VPS39: variants seen among roughly 807,000 people sequenced by gnomAD.
The protein encoded by VPS39 is vam6/Vps39-like protein.
A neutral mutation model predicts 121.0 loss-of-function variants in VPS39; 70 were observed. The ratio of observed to expected loss-of-function variants is 0.58; its 90% CI spans 0.48 to 0.71. The LOEUF is 0.71. Among genes scored for constraint, VPS39 ranks in the 30% least tolerant of loss-of-function variants. VPS39 has a pLI of 0.00. For synonymous variants in VPS39, 378 were observed against 398.1 expected (o/e 0.95, Z 0.60); for missense variants, 818 against 1,051.5 (o/e 0.78, Z 3.07).
chr15:42,205,675 G>A (rs1393947982), intron 1 of VPS39, among the ~76,000 whole-genome samples: 2 of 152,158 alleles, frequency 1.3e-5, no homozygotes, highest in African/African-American at 2.4e-5. Flanking sequence ...TTGAGTAGAG[G>A]ATGGAATCAG....
chr15:42,180,810 C>T (rs1175876687), intron 8 of VPS39, among the ~76,000 whole-genome samples: 2 of 152,098 alleles, frequency 1.3e-5, no homozygotes, highest in East Asian at 3.8e-4. Flanking sequence ...TAAAGAACTA[C>T]AGTGAGATAT....
rs557043500 is a variant in VPS39, at chr15:42,197,773, C to T, written c.139+2123G>A. ...CCTAGTCTTTTCTTGACCCTATTAT[C>T]CCCTCCCTTTCCTCAGAAAGACAGT... On this transcript the variant is annotated intron_variant, in intron 2 of 24. Coordinates refer to ENST00000318006, the MANE Select transcript of VPS39 (RefSeq NM_015289.5). Among the ~76,000 whole-genome samples the T allele has an allele frequency of 2.6e-5, 4 of 152,144 alleles. No homozygotes were observed. In the East Asian group the frequency reaches 7.7e-4, roughly 29 times the overall value.
At chr15:42,204,379 G>C (rs2050126212) in intron 1 of VPS39, among the ~76,000 whole-genome samples, 1 of 152,222 alleles carries the variant, frequency 6.6e-6, no homozygotes, top group African/African-American at 2.4e-5. Context: ...GCTGGGCAAA[G>C]TGGCTCACGC....
At chr15:42,179,673 C>T (rs1242786603) in intron 8 of VPS39, among the ~76,000 whole-genome samples, 3 of 149,860 alleles carry the variant, frequency 2.0e-5, no homozygotes, top group East Asian at 3.9e-4. Context: ...AGGGGGAAGG[C>T]AAATTCTGTT....
intron 8 of VPS39, among the ~76,000 whole-genome samples, chr15:42,183,461 C>A (rs2049631256): frequency 6.6e-6 from 1 of 152,120 alleles, no homozygotes; most frequent in South Asian, 2.1e-4. Flanking sequence ...CCTCCCAGAC[C>A]TTCTCACGGA....
At chr15:42,194,661 A>G (rs598899) in intron 2 of VPS39, among the ~76,000 whole-genome samples, 9,841 of 151,756 alleles carry the variant, frequency 0.065, 502 homozygotes, top group Non-Finnish European at 0.094. Flanking sequence ...TGAGCCTAGG[A>G]GTTATAGGTT....
chr15:42,192,216 T>A (rs900659487), intron 2 of VPS39: 3 of 958,690 alleles, frequency 3.1e-6, no homozygotes, highest in Non-Finnish European at 4.8e-6. Flanking sequence ...AGAGAATAAT[T>A]ATCATCATCA....
In VPS39 at chr15:42,191,001, A is replaced by G. The variant is rs76446908; in HGVS notation, c.247+124T>C. The G allele has an allele frequency of 2.4e-3, 2,532 of 1,060,172 alleles. 51 individuals are homozygous for G. The African/African-American group carries it at 0.037, about 15-fold the overall frequency. 65.7% of individuals were successfully genotyped at this position (1,060,172 alleles called of 1,614,324 possible). ...GCCTTTATTAACCATGTACCCTGTT[A>G]TACCAGGTTTGGAACACGTCAGTTC... On this transcript the variant is annotated intron_variant, in intron 4 of 24. Coordinates refer to ENST00000318006, the MANE Select transcript of VPS39 (RefSeq NM_015289.5).
intron 2 of VPS39, among the ~76,000 whole-genome samples, chr15:42,195,808 T>A (rs2049924762): frequency 6.6e-6 from 1 of 152,110 alleles, no homozygotes. Flanking sequence ...TTCACAGAAT[T>A]GGAAAAAACT....
intron 5 of VPS39, 129 bp from the exon 6 acceptor site, chr15:42,187,985 C>T (rs1009903044): frequency 2.4e-6 from 2 of 821,496 alleles, no homozygotes; most frequent in African/African-American, 3.4e-5. Context: ...GTCATCCTGC[C>T]AGGAAAGCTG....
chr15:42,161,130 C>T (rs1362220788), intron 24 of VPS39: 1 of 379,440 alleles, frequency 2.6e-6, no homozygotes, highest in South Asian at 3.9e-5. Flanking sequence ...GCCCTGGCTT[C>T]CTGAGAGCCA....
At chr15:42,193,032 G>C (rs376237844) in intron 2 of VPS39, among the ~76,000 whole-genome samples, 1 of 151,972 alleles carries the variant, frequency 6.6e-6, no homozygotes, top group African/African-American at 2.4e-5. Context: ...CACCCACCTC[G>C]GCCTTCCAAA....
chr15:42,182,781 C>T (rs1430991346), intron 8 of VPS39, among the ~76,000 whole-genome samples: 1 of 152,234 alleles, frequency 6.6e-6, no homozygotes, highest in East Asian at 1.9e-4. Context: ...CAGTAAGACA[C>T]AGACATGGTT....
In VPS39 at chr15:42,178,205, G is replaced by A; in HGVS notation, c.960+13C>T. The A allele has an allele frequency of 6.2e-7, 1 of 1,614,078 alleles. No individual in the cohort carries two copies. On this transcript the variant is annotated intron_variant, in intron 10 of 24. Transcript: ENST00000318006. ...ACAATAAGGAAGGAAGACTAGTCAGGAACAAGACTTACTGCGAGCTGCAGA... is the reference window on the plus strand; with the variant it reads ...ACAATAAGGAAGGAAGACTAGTCAGAAACAAGACTTACTGCGAGCTGCAGA...
rs981596670 is a variant in VPS39, at chr15:42,197,669, T to C, written c.139+2227A>G. Among the ~76,000 whole-genome samples the C allele has an allele frequency of 2.6e-5, 4 of 152,292 alleles. No homozygotes were observed. The South Asian group carries it at 8.3e-4, about 32-fold the overall frequency. ...TTGAATAATTACTAGGCTAGACATA[T>C]CAGAGGATAAAAATGTCACTGGCTC... On this transcript the variant is annotated intron_variant, in intron 2 of 24. Coordinates refer to ENST00000318006, the MANE Select transcript of VPS39 (RefSeq NM_015289.5).
At chr15:42,161,805 C>G in intron 23 of VPS39, 32 bp from the exon 24 acceptor site, 1 of 1,612,278 alleles carries the variant, frequency 6.2e-7, no homozygotes, top group Non-Finnish European at 8.5e-7. Context: ...GGAAGAAGTT[C>G]TACAGTGTGG....
intron 10 of VPS39, 108 bp downstream of exon 10, chr15:42,178,110 C>T: frequency 6.7e-7 from 1 of 1,481,706 alleles, no homozygotes; most frequent in Non-Finnish European, 9.2e-7. Flanking sequence ...CCTGGACTTT[C>T]AGCTATGTGC....
intron 19 of VPS39, 115 bp downstream of exon 19, chr15:42,164,243 T>G: frequency 6.8e-7 from 1 of 1,464,092 alleles, no homozygotes; most frequent in Non-Finnish European, 9.2e-7. Flanking sequence ...TGGCCTGAAA[T>G]GCCTGGTTTT....
At chr15:42,187,014 A>G (rs777317180) in intron 7 of VPS39, among the ~76,000 whole-genome samples, 3 of 152,238 alleles carry the variant, frequency 2.0e-5, no homozygotes, top group Non-Finnish European at 2.9e-5. Context: ...AGCCTTCATT[A>G]TCTGTCCCAA....
Sources: gnomAD v4.1 joint callset for allele counts (sites outside exome capture counted in the v4.1 genomes callset) on GRCh38, gnomAD v4.1.1 for gene constraint, MANE v1.5 for transcripts, NCBI Gene and HGNC (gene_info 2026-07-23, HGNC 2026-07-21) for gene names.